Variants in ATG2A observed in about 807,000 individuals in gnomAD.
ATG2A encodes the protein autophagy related 2A, also known as autophagy-related protein 2 homolog A.
ATG2A carries 103 observed loss-of-function variants against 214.2 expected under a neutral mutation model. The ratio of observed to expected loss-of-function variants is 0.48; its 90% CI spans 0.41 to 0.57. The LOEUF is 0.57. Ranked by LOEUF, ATG2A falls within the 20% of genes least tolerant of loss-of-function variation. The probability of loss-of-function intolerance (pLI) is 0.00; values close to 1 mark genes in which losing one functional copy is unlikely to be tolerated. For missense variants in ATG2A, 2,312 were observed against 2,613.2 expected, an observed-to-expected ratio of 0.88 and a Z score of 2.51; for synonymous variants, 1,160 against 1,142.1, an observed-to-expected ratio of 1.02 and a Z score of -0.32.
intron 1 of ATG2A, among the ~76,000 whole-genome samples, chr11:64,915,738 G>C (rs1256217666): frequency 1.3e-5 from 2 of 152,076 alleles, no homozygotes; most frequent in East Asian, 3.8e-4. Flanking sequence ...CAGCACTTTG[G>C]GAGGCTGAGG....
In ATG2A at chr11:64,911,772, C is replaced by T. The variant is rs980502577; in HGVS notation, c.1228+70G>A. 22 of 1,584,376 alleles carry T rather than the reference C, an allele frequency of 1.4e-5. No homozygotes were observed. In the African/African-American group the frequency reaches 2.7e-4, roughly 19 times the overall value. ...CTGGGGATTTCCTGTGTGCCTCTGA[C>T]AGCCCACGGCACTAAGGCCTCTTCC... On this transcript the variant is annotated intron_variant, in intron 9 of 40. Coordinates refer to ENST00000377264, the MANE Select transcript of ATG2A (RefSeq NM_015104.3).
At chr11:64,906,877 G>A (rs1250431718) in intron 19 of ATG2A, 62 bp from the exon 20 acceptor site, 3 of 1,546,728 alleles carry the variant, frequency 1.9e-6, no homozygotes, top group Non-Finnish European at 1.7e-6. Context: ...AAGCCCTCTG[G>A]GGGTTGGCGG....
At chr11:64,904,251 G>A (rs1944459525) in intron 24 of ATG2A, among the ~76,000 whole-genome samples, 1 of 148,904 alleles carries the variant, frequency 6.7e-6, no homozygotes. Context: ...ATCTCAAAAA[G>A]AAATAATAAT....
At chr11:64,896,674 T>G in intron 38 of ATG2A, 58 bp from the exon 39 acceptor site, 1 of 1,606,726 alleles carries the variant, frequency 6.2e-7, no homozygotes, top group Non-Finnish European at 8.5e-7. Flanking sequence ...CCTCCTCCTC[T>G]TATTCCCAAT....
Position 64,909,723 on chromosome 11 carries a change from G to A in ATG2A, c.2065C>T (p.Pro689Ser), listed in dbSNP as rs1022370671. 2 of 1,613,212 alleles carry A rather than the reference G, an allele frequency of 1.2e-6. No individual in the cohort carries two copies. Among genetic ancestry groups the A allele is most frequent in the Non-Finnish European group, 1.7e-6 (2 of 1,180,004 alleles). Residue 689 changes from proline to serine, a missense_variant, in exon 14 of 41, where the codon CCA (proline) becomes TCA (serine). Physicochemically the swap from Pro to Ser is moderately conservative, Grantham distance 74. Transcript: ENST00000377264. ...GTGAGTTCCAGGTGGGTGGGGACTG[G>A]GGGACCAGGCCCACTGCTAAGCTCT... ...RSELSSGPGP[P>S]VPTHLELTCS...
Position 64,914,424 on chromosome 11 carries a change from G to C in ATG2A, c.248C>G (p.Ala83Gly). 7 of 1,612,424 alleles carry C rather than the reference G, an allele frequency of 4.3e-6. No homozygotes were observed. Among genetic ancestry groups the C allele is most frequent in the Non-Finnish European group, 5.9e-6 (7 of 1,179,654 alleles). ...VEGFVGSIEV[A>G]VPWAALLTDH... ...GGTGAGCAGAGCAGCCCAGGGCACG[G>C]CCACCTCGATGGAGCCCACGAAGCC... The change falls in exon 2 of 41, where the codon GCC becomes GGC. Residue 83 changes from alanine (A) to glycine (G), a missense_variant. Physicochemically the swap from Ala to Gly is moderately conservative, Grantham distance 60. Coordinates refer to ENST00000377264, the MANE Select transcript of ATG2A (RefSeq NM_015104.3).
In ATG2A at chr11:64,902,349, G is replaced by A; in HGVS notation, c.3815C>T (p.Pro1272Leu). The A allele has an allele frequency of 5.6e-6, 9 of 1,603,094 alleles. No individual in the cohort carries two copies. The highest frequency in any genetic ancestry group is 6.0e-6 in the Non-Finnish European group (7 of 1,175,706). Reference protein sequence around the residue: ...ESPASLPSCPPVETALINQRD... With the variant: ...ESPASLPSCPLVETALINQRD... ...CTGGTTGATGAGGGCCGTCTCCACT[G>A]GGGGGCACGAGGGCAGAGAGGCAGG... is the stretch of plus-strand genomic sequence containing the variant. Residue 1272 changes from proline to leucine, a missense_variant, in exon 28 of 41, where the codon CCA (proline) becomes CTA (leucine). Pro to Leu is a moderately conservative substitution (Grantham distance 98). Transcript: ENST00000377264.
rs1565759946 is a variant in ATG2A at position 64,909,266 on chromosome 11, C to T, written c.2204+5G>A. ...TCCTGGGCCCAGTCCAGAGCCCCTA[C>T]TTACTGGGGCAGGAAGTACTTGCGC... On this transcript the variant is annotated splice_donor_5th_base_variant and intron_variant, in intron 15 of 40. Coordinates refer to ENST00000377264, the MANE Select transcript of ATG2A (RefSeq NM_015104.3). 6.2e-7 allele frequency: 1 copy of T among 1,613,518 alleles called. No homozygotes were observed. The highest frequency in any genetic ancestry group is 1.3e-5 in the African/African-American group (1 of 75,044).
chr11:64,897,280 C>T (rs1455038530), intron 37 of ATG2A, 132 bp downstream of exon 37: 32 of 1,083,240 alleles, frequency 3.0e-5, no homozygotes, highest in Non-Finnish European at 4.0e-5. Context: ...CAGCCAACTG[C>T]GTCCTTTTTA....
chr11:64,902,327 G>C lies in ATG2A; in HGVS notation c.3837C>G (p.Asn1279Lys). The change falls in exon 28 of 41, where the codon AAC (asparagine) becomes AAG (lysine). Residue 1279 changes from asparagine (N) to lysine (K), a missense_variant. Transcript: ENST00000377264. ...GGAGGGCGTCGGCCAGGTCACGCTG[G>C]TTGATGAGGGCCGTCTCCACTGGGG... is the stretch of plus-strand genomic sequence containing the variant. ...SCPPVETALI[N>K]QRDLADALLD... The C allele has an allele frequency of 6.2e-7, 1 of 1,610,190 alleles. No homozygotes were observed. The highest frequency in any genetic ancestry group is 8.5e-7 in the Non-Finnish European group (1 of 1,179,160).
chr11:64,912,244 C>G lies in ATG2A; in HGVS notation c.928G>C (p.Glu310Gln). Residue 310 changes from glutamate to glutamine, a missense_variant, in exon 8 of 41, where the codon GAG becomes CAG. Physicochemically the swap from Glu to Gln is conservative, Grantham distance 29. Transcript: ENST00000377264. ...LLSAVSLTDH[E>Q]GLADKLNKSR... ...TTGTTCAGCTTGTCAGCCAGGCCCT[C>G]GTGGTCTGCAGGGGAGGAGACTTCA... The G allele has an allele frequency of 6.2e-7, 1 of 1,612,836 alleles. No individual in the cohort carries two copies. Among genetic ancestry groups the G allele is most frequent in the Non-Finnish European group, 8.5e-7 (1 of 1,179,350 alleles).
rs751032846 is a variant in ATG2A at position 64,894,720 on chromosome 11, G to A, written c.*253C>T. On this transcript the variant is annotated 3_prime_UTR_variant, in exon 41 of 41. Coordinates refer to ENST00000377264, the MANE Select transcript of ATG2A (RefSeq NM_015104.3). ...CCAAAAGCCTCCGTCCTGGGAGAAG[G>A]CAGCAGTGTGGGCCCAGGTCGGGGG... 2.9e-6 allele frequency: 2 copies of A among 695,626 alleles called. No individual in the cohort carries two copies. Among genetic ancestry groups the A allele is most frequent in the South Asian group, 3.0e-5 (2 of 66,892 alleles). 43.1% of individuals were successfully genotyped at this position (695,626 alleles called of 1,614,324 possible).
chr11:64,897,390 G>A, intron 37 of ATG2A, 22 bp downstream of exon 37: 2 of 1,554,644 alleles, frequency 1.3e-6, no homozygotes, highest in Non-Finnish European at 1.7e-6. Flanking sequence ...CCTGGAGAGA[G>A]GCTGGGGTGC....
chr11:64,903,247 C>A lies in ATG2A; in HGVS notation c.3612+41G>T. 1.9e-6 allele frequency: 3 copies of A among 1,594,192 alleles called. No homozygotes were observed. Among genetic ancestry groups the A allele is most frequent in the Non-Finnish European group, 2.6e-6 (3 of 1,162,948 alleles). On this transcript the variant is annotated intron_variant, in intron 26 of 40. Transcript: ENST00000377264. The surrounding 1 kb of genome is among the most constrained non-coding windows in gnomAD (Gnocchi z 4.2). ...CCTGAAGACTCCCTTGGCCCCTGCACCTGCTGTGGCTCCAGGAGCCAGAGT... is the reference window on the plus strand; with the variant it reads ...CCTGAAGACTCCCTTGGCCCCTGCAACTGCTGTGGCTCCAGGAGCCAGAGT...
intron 7 of ATG2A, 39 bp from the exon 8 acceptor site, chr11:64,912,288 T>TGCCCCCCCCCCCCCCCC: frequency 6.8e-7 from 1 of 1,471,276 alleles, no homozygotes; most frequent in Non-Finnish European, 9.4e-7. Context: ...TGGCTGGCCC[T>TGCCCCCCCCCCCCCCCC]CCCAGCCACC....
At position 64,895,260 on chromosome 11, in the gene ATG2A, G is replaced by T. The variant is rs771075448; in HGVS notation, c.5580+30C>A. On this transcript the variant is annotated intron_variant, in intron 40 of 40. Transcript: ENST00000377264. This position sits in a 1 kb window ranked among gnomAD's most constrained non-coding sequence, Gnocchi z 5.0. The stretch of plus-strand genomic sequence containing the variant: ...GGTCTGTGTGAGGAGATGGGCATGG[G>T]GGACTGGGGCAGGGCGGGGGCCTGG... 8.1e-6 allele frequency: 13 copies of T among 1,613,078 alleles called. No homozygotes were observed. The highest frequency in any genetic ancestry group is 1.1e-5 in the Non-Finnish European group (13 of 1,179,880).
Position 64,898,070 on chromosome 11 carries a change from T to C in ATG2A, c.4858+16A>G. ...CAGAAGGCCCAGACGCTCCCCTCCC[T>C]GGCCCAGCCTCTCACCCTCAGCGGA... is the stretch of plus-strand genomic sequence containing the variant. On this transcript the variant is annotated intron_variant, in intron 34 of 40. Transcript: ENST00000377264. The surrounding 1 kb of genome is among the most constrained non-coding windows in gnomAD (Gnocchi z 4.5). The C allele has an allele frequency of 1.9e-6, 3 of 1,613,430 alleles. No homozygotes were observed. The highest frequency in any genetic ancestry group is 2.5e-6 in the Non-Finnish European group (3 of 1,179,806).
intron 1 of ATG2A, among the ~76,000 whole-genome samples, chr11:64,915,183 T>G (rs1475965740): frequency 7.6e-6 from 1 of 131,342 alleles, no homozygotes; most frequent in African/African-American, 2.9e-5. Flanking sequence ...TGTGCCTCTC[T>G]GTGAGGCACA....
intron 1 of ATG2A, among the ~76,000 whole-genome samples, chr11:64,914,790 A>G (rs1944915201): frequency 6.6e-6 from 1 of 151,226 alleles, no homozygotes; most frequent in African/African-American, 2.4e-5. Flanking sequence ...CTGAGACTAG[A>G]TGGGTAAATA....
Sources: allele counts gnomAD v4.1 joint callset (sites outside exome capture counted in the v4.1 genomes callset), GRCh38; gene constraint gnomAD v4.1.1; non-coding constraint Gnocchi (gnomAD v3.1); transcripts MANE v1.5; gene names NCBI Gene and HGNC (gene_info 2026-07-23, HGNC 2026-07-21).